The following SYT17 variants were observed in gnomAD, a reference collection of about 807,000 sequenced individuals.
SYT17 encodes synaptotagmin 17.
SYT17 carries 22 observed loss-of-function variants against 46.7 expected under a neutral mutation model. The ratio of observed to expected loss-of-function variants is 0.47; its 90% CI spans 0.34 to 0.67. The LOEUF is 0.67. Among genes scored for constraint, SYT17 ranks in the 30% least tolerant of loss-of-function variants. SYT17 has a pLI of 0.01. For synonymous variants in SYT17, 251 were observed against 248.4 expected (o/e 1.01, Z -0.10); for missense variants, 519 against 612.8 (o/e 0.85, Z 1.62).
chr16:19,217,099 T>A (rs951464861), intron 5 of SYT17, among the ~76,000 whole-genome samples: 1 of 152,240 alleles, frequency 6.6e-6, no homozygotes, highest in African/African-American at 2.4e-5. Context: ...GATATCTCAT[T>A]GTGGTTTTGA....
intron 5 of SYT17, among the ~76,000 whole-genome samples, chr16:19,192,923 T>G (rs71382602): frequency 0.17 from 25,729 of 152,180 alleles, 2,457 homozygotes; most frequent in South Asian, 0.23. Context: ...TCCCACATCC[T>G]GGGTGAGAGG....
intron 5 of SYT17, among the ~76,000 whole-genome samples, chr16:19,218,575 G>A (rs1435461375): frequency 6.6e-6 from 1 of 152,226 alleles, no homozygotes; most frequent in Non-Finnish European, 1.5e-5. Flanking sequence ...ACTTCAGGAA[G>A]TGCCTTGTTG....
rs139428531 is a variant in SYT17, at chr16:19,211,916, G to A, written c.952-11129G>A. Among the ~76,000 whole-genome samples, 1,022 of 152,230 alleles carry A rather than the reference G, an allele frequency of 6.7e-3. 14 individuals are homozygous for A. Among genetic ancestry groups the A allele is most frequent in the African/African-American group, 0.023 (968 of 41,538 alleles). On this transcript the variant is annotated intron_variant, in intron 5 of 7. Transcript: ENST00000355377. ...GCTGGGATTACAGGTGTGAGCCACC[G>A]TGCCTGGCCAATGATCTTGTATTTT...
At chr16:19,220,552 G>A (rs1966278116) in intron 5 of SYT17, among the ~76,000 whole-genome samples, 1 of 151,994 alleles carries the variant, frequency 6.6e-6, no homozygotes, top group Admixed American at 6.5e-5. Context: ...ACCCACGTTG[G>A]CCTCCCAAAG....
chr16:19,244,336 A>G (rs1459602092), intron 7 of SYT17, among the ~76,000 whole-genome samples: 1 of 118,472 alleles, frequency 8.4e-6, no homozygotes, highest in Admixed American at 8.7e-5. Flanking sequence ...TCTTTTCTTT[A>G]TTATTATTTT....
chr16:19,263,109 C>A (rs77348336), intron 7 of SYT17, among the ~76,000 whole-genome samples: 1 of 151,438 alleles, frequency 6.6e-6, no homozygotes, highest in South Asian at 2.1e-4. Flanking sequence ...TTAAAACTCA[C>A]CCTTTTGGTG....
intron 3 of SYT17, among the ~76,000 whole-genome samples, chr16:19,174,880 G>A (rs750057142): frequency 6.6e-6 from 1 of 152,168 alleles, no homozygotes; most frequent in Non-Finnish European, 1.5e-5. Context: ...ATTTTGGGAG[G>A]CTGAGGGCAG....
intron 7 of SYT17, among the ~76,000 whole-genome samples, chr16:19,241,620 G>T (rs1967130942): frequency 2.0e-5 from 3 of 152,182 alleles, no homozygotes; most frequent in Admixed American, 1.3e-4. Context: ...CCCACTGGTG[G>T]ATGGCTCAGC....
chr16:19,185,572 C>T (rs1340471387), intron 5 of SYT17, among the ~76,000 whole-genome samples: 13 of 151,886 alleles, frequency 8.6e-5, no homozygotes, highest in Non-Finnish European at 1.5e-4. Flanking sequence ...CAGCTCACTC[C>T]AGCCTGGTTG....
intron 5 of SYT17, among the ~76,000 whole-genome samples, chr16:19,208,876 A>G (rs1273090631): frequency 1.8e-5 from 2 of 108,782 alleles, no homozygotes; most frequent in Non-Finnish European, 3.9e-5. Context: ...CACTTCTACA[A>G]GGACCTTCTT....
intron 3 of SYT17, among the ~76,000 whole-genome samples, chr16:19,175,908 C>T (rs1018947881): frequency 6.6e-5 from 10 of 152,110 alleles, no homozygotes; most frequent in East Asian, 1.9e-4. Flanking sequence ...GTGTGCCAGG[C>T]GCTGTGGTAT....
At chr16:19,257,016 A>G (rs1968621293) in intron 7 of SYT17, among the ~76,000 whole-genome samples, 1 of 152,216 alleles carries the variant, frequency 6.6e-6, no homozygotes, top group African/African-American at 2.4e-5. Context: ...GCAAAATGGC[A>G]ATAAAAATAG....
chr16:19,172,276 C>T, intron 1 of SYT17: 1 of 1,189,878 alleles, frequency 8.4e-7, no homozygotes, highest in Non-Finnish European at 1.1e-6. Context: ...CCACCATCAC[C>T]ATTGGAGCAG....
At chr16:19,170,111 T>G (rs1964024223) in intron 1 of SYT17, 1 of 152,198 alleles carries the variant, frequency 6.6e-6, no homozygotes, top group Non-Finnish European at 1.5e-5. Context: ...TGTTGTCCTG[T>G]AAAGTGCCAG....
rs1964640309 is a variant in SYT17, at chr16:19,183,552, C to G, written c.356C>G (p.Ser119Cys). ...ISSLESRRPS[S>C]PLIDIKPIEF... ...GGTCTTGAGTCAAGACGTCCCAGCT[C>G]TCCACTCATCGATATTAAACCCATC... Residue 119 changes from serine to cysteine, a missense_variant, in exon 5 of 8, where the codon TCT becomes TGT. Ser to Cys is a moderately radical substitution (Grantham distance 112, BLOSUM62 -1). Coordinates refer to ENST00000355377, the MANE Select transcript of SYT17 (RefSeq NM_016524.4). This position sits in a 1 kb window ranked among gnomAD's most constrained non-coding sequence, Gnocchi z 5.6. 5 of 1,614,204 alleles carry G rather than the reference C, an allele frequency of 3.1e-6. No homozygotes were observed. Among genetic ancestry groups the G allele is most frequent in the Middle Eastern group, 1.6e-4 (1 of 6,062 alleles).
intron 7 of SYT17, among the ~76,000 whole-genome samples, chr16:19,263,882 A>G (rs1440487024): frequency 6.6e-6 from 1 of 152,202 alleles, no homozygotes; most frequent in Admixed American, 6.5e-5. Flanking sequence ...CATGGCCTCC[A>G]AATTATTCAG....
intron 5 of SYT17, among the ~76,000 whole-genome samples, chr16:19,215,195 A>T (rs1034634588): frequency 6.6e-6 from 1 of 152,220 alleles, no homozygotes; most frequent in Non-Finnish European, 1.5e-5. Flanking sequence ...GCCAAAAATT[A>T]TATTTCTCTT....
chr16:19,224,759 A>C lies in SYT17; in HGVS notation c.1149A>C (p.Thr383=), dbSNP rs1460184227. ...KTKKTSFLRG[T]IDPFYNESFS... ...AGAAGACGTCCTTCTTAAGGGGCAC[A>C]ATTGATCCTTTCTACAATGAATCCT... Residue 383 remains threonine, a synonymous_variant, in exon 7 of 8, where the codon ACA becomes ACC. Transcript: ENST00000355377. The C allele has an allele frequency of 6.8e-6, 11 of 1,614,030 alleles. No individual in the cohort carries two copies. The Admixed American group carries it at 1.8e-4, about 27-fold the overall frequency.
At chr16:19,213,978 C>T (rs1965998737) in intron 5 of SYT17, among the ~76,000 whole-genome samples, 1 of 152,152 alleles carries the variant, frequency 6.6e-6, no homozygotes, top group Non-Finnish European at 1.5e-5. Context: ...ATATTTTGGG[C>T]CAGACCATTC....
Sources: allele counts gnomAD v4.1 joint callset (sites outside exome capture counted in the v4.1 genomes callset), GRCh38; gene constraint gnomAD v4.1.1; non-coding constraint Gnocchi (gnomAD v3.1); transcripts MANE v1.5; gene names NCBI Gene and HGNC (gene_info 2026-07-23, HGNC 2026-07-21).